CLIP4: variants seen among roughly 807,000 people sequenced by gnomAD.
CLIP4 encodes the protein CAP-Gly domain-containing linker protein 4.
Under a neutral mutation model 73.1 loss-of-function variants are expected in CLIP4, and 47 were observed. The ratio of observed to expected loss-of-function variants is 0.64; its 90% CI spans 0.51 to 0.82. CLIP4 has a LOEUF of 0.82. Among genes scored for constraint, CLIP4 ranks in the 40% least tolerant of loss-of-function variants. CLIP4 has a pLI of 0.00. For synonymous variants in CLIP4, 306 were observed against 295.4 expected, an observed-to-expected ratio of 1.04 and a Z score of -0.37; for missense variants, 874 against 852.9, an observed-to-expected ratio of 1.02 and a Z score of -0.31.
chr2:29,158,628 T>C (rs1667092883), intron 11 of CLIP4, among the ~76,000 whole-genome samples: 1 of 152,132 alleles, frequency 6.6e-6, no homozygotes, highest in African/African-American at 2.4e-5. Flanking sequence ...TTTATAGATT[T>C]GCATTTGAGG....
chr2:29,110,019 C>G (rs775320784), intron 1 of CLIP4, among the ~76,000 whole-genome samples: 9 of 151,970 alleles, frequency 5.9e-5, no homozygotes, highest in Non-Finnish European at 1.3e-4. Flanking sequence ...GATTGCGCCA[C>G]TGCATTCCAG....
intron 2 of CLIP4, among the ~76,000 whole-genome samples, chr2:29,121,893 C>T (rs562282670): frequency 6.6e-6 from 1 of 152,140 alleles, no homozygotes; most frequent in Non-Finnish European, 1.5e-5. Context: ...GGGTAAGAGA[C>T]CCTTCCCTGG....
chr2:29,157,428 G>C, intron 11 of CLIP4, 81 bp downstream of exon 11: 1 of 1,608,582 alleles, frequency 6.2e-7, no homozygotes. Flanking sequence ...CTTTTTAAAT[G>C]TGTAGAAGGA....
At chr2:29,176,751 A>G (rs1668368815) in intron 15 of CLIP4, among the ~76,000 whole-genome samples, 1 of 151,994 alleles carries the variant, frequency 6.6e-6, no homozygotes. Context: ...GTTGTTACCA[A>G]CTCACTTAAC....
intron 6 of CLIP4, among the ~76,000 whole-genome samples, chr2:29,140,769 A>T (rs1199158983): frequency 1.3e-5 from 2 of 152,208 alleles, no homozygotes; most frequent in African/African-American, 4.8e-5. Flanking sequence ...AATGATCGCC[A>T]TTCTAACAGG....
At chr2:29,174,791 C>A in intron 15 of CLIP4, 1 of 497,742 alleles carries the variant, frequency 2.0e-6, no homozygotes, top group South Asian at 8.7e-5. Context: ...TTAATATTGT[C>A]AGTGATACAT....
chr2:29,165,193 A>G (rs767473748), intron 13 of CLIP4, among the ~76,000 whole-genome samples: 1 of 152,154 alleles, frequency 6.6e-6, no homozygotes, highest in Non-Finnish European at 1.5e-5. Flanking sequence ...GACTCAGCCC[A>G]GGTGTGTTAC....
At chr2:29,165,404 C>T (rs1391269972) in intron 13 of CLIP4, among the ~76,000 whole-genome samples, 2 of 152,126 alleles carry the variant, frequency 1.3e-5, no homozygotes, top group African/African-American at 2.4e-5. Context: ...GTGCAGGCAC[C>T]ATGTTCCCTC....
chr2:29,150,678 TCTCA>T (rs1276360291), intron 8 of CLIP4, among the ~76,000 whole-genome samples: 4 of 135,786 alleles, frequency 2.9e-5, no homozygotes, highest in Non-Finnish European at 4.7e-5. Flanking sequence ...TGAGACAGTC[TCTCA>T]CTCTGTTGCC....
intron 8 of CLIP4, 74 bp from the exon 9 acceptor site, chr2:29,152,611 C>A: frequency 6.8e-7 from 1 of 1,464,602 alleles, no homozygotes; most frequent in Non-Finnish European, 9.3e-7. Flanking sequence ...ATTTATGTTA[C>A]TAATTAGTTG....
intron 9 of CLIP4, among the ~76,000 whole-genome samples, chr2:29,153,474 C>G (rs1666716818): frequency 6.7e-6 from 1 of 149,544 alleles, no homozygotes; most frequent in African/African-American, 2.4e-5. Context: ...ACTTTAATCT[C>G]CTCATTCCCT....
At chr2:29,156,306 G>T in intron 9 of CLIP4, 48 bp from the exon 10 acceptor site, 12 of 1,282,250 alleles carry the variant, frequency 9.4e-6, no homozygotes, top group Non-Finnish European at 1.3e-5. Context: ...TACATTTTAT[G>T]TTTAATGTTA....
chr2:29,146,824 A>G (rs1666204263), intron 8 of CLIP4, among the ~76,000 whole-genome samples: 1 of 152,182 alleles, frequency 6.6e-6, no homozygotes, highest in Non-Finnish European at 1.5e-5. Context: ...GGACTAGTGC[A>G]AGAATTAAAT....
intron 11 of CLIP4, 74 bp downstream of exon 11, chr2:29,157,421 T>C: frequency 6.2e-7 from 1 of 1,612,026 alleles, no homozygotes; most frequent in South Asian, 1.1e-5. Context: ...ATTTGCTCTT[T>C]TTAAATGTGT....
chr2:29,107,363 T>TTG lies in CLIP4; in HGVS notation c.-16+9417_-16+9418insGT, dbSNP rs1668245041. Among the ~76,000 whole-genome samples the TTG allele has an allele frequency of 7.6e-5, 6 of 79,364 alleles. 1 individual carries two copies. In the South Asian group the frequency reaches 2.5e-3, roughly 34 times the overall value. 52.1% of individuals were successfully genotyped at this position (79,364 alleles called of 152,430 possible). ...TAAATTCCTGGAACATGATAGTTTTTTTTTTTTTTTTTTTTTTTTTTTTTT... is the reference window on the plus strand; with the variant it reads ...TAAATTCCTGGAACATGATAGTTTTTTGTTTTTTTTTTTTTTTTTTTTTTTTT... On this transcript the variant is annotated intron_variant, in intron 1 of 14. Coordinates refer to the CLIP4 transcript ENST00000401605.
chr2:29,157,905 C>A (rs942623425), intron 11 of CLIP4, among the ~76,000 whole-genome samples: 1 of 152,168 alleles, frequency 6.6e-6, no homozygotes, highest in Non-Finnish European at 1.5e-5. Flanking sequence ...CGAACTTGTC[C>A]AGAAAGGCAA....
intron 9 of CLIP4, among the ~76,000 whole-genome samples, chr2:29,153,773 G>A (rs961291718): frequency 6.6e-6 from 1 of 152,102 alleles, no homozygotes; most frequent in Non-Finnish European, 1.5e-5. Context: ...GTTCCACTGG[G>A]CTATTTGAAT....
intron 1 of CLIP4, among the ~76,000 whole-genome samples, chr2:29,101,166 T>C (rs1668032152): frequency 1.3e-5 from 2 of 151,872 alleles, no homozygotes; most frequent in Non-Finnish European, 2.9e-5. Context: ...GGTGCATGCC[T>C]GTAATCCCAG....
rs934495742 is a variant in CLIP4, at chr2:29,171,402, T to C, written c.1724-2971T>C. Among the ~76,000 whole-genome samples the C allele has an allele frequency of 1.2e-4, 19 of 152,192 alleles. 1 individual carries two copies. The highest frequency in any genetic ancestry group is 2.1e-4 in the Non-Finnish European group (14 of 68,040). ...TAATAATATATATTTTTTTACCTTA[T>C]ACCAACTTTCTTTTGGTTAAGTATT... On this transcript the variant is annotated intron_variant, in intron 14 of 15. Transcript: ENST00000320081.
Sources: allele counts gnomAD v4.1 joint callset (sites outside exome capture counted in the v4.1 genomes callset), GRCh38; gene constraint gnomAD v4.1.1; transcripts MANE v1.5; gene names NCBI Gene and HGNC (gene_info 2026-07-23, HGNC 2026-07-21).